The following HECW2 variants were observed in gnomAD, a reference collection of about 807,000 sequenced individuals.
The protein encoded by HECW2 is HECT, C2 and WW domain containing E3 ubiquitin protein ligase 2.
In HECW2, 61 loss-of-function variants were observed where a neutral mutation model predicts 175.2. That is an observed-to-expected ratio of 0.35 (90% CI 0.28 to 0.43). The LOEUF is 0.43. HECW2 is among the 20% of genes least tolerant of loss of function. HECW2 has a pLI of 1.00. For missense variants in HECW2, 1,524 were observed against 2,000.5 expected (o/e 0.76, Z 4.54); for synonymous variants, 671 against 731.0 (o/e 0.92, Z 1.32).
chr2:196,296,700 G>A (rs13432135), intron 13 of HECW2, among the ~76,000 whole-genome samples: 31,861 of 152,120 alleles, frequency 0.21, 3,607 homozygotes, highest in Middle Eastern at 0.28. Context: ...GTGGAAGGAA[G>A]AGATTCACCA....
chr2:196,331,127 T>G (rs1692342777), intron 4 of HECW2: 1 of 984,946 alleles, frequency 1.0e-6, no homozygotes, highest in East Asian at 1.1e-4. Flanking sequence ...GTGTGCCACT[T>G]AACTGCATCC....
At chr2:196,354,246 C>A (rs937407463) in intron 2 of HECW2, among the ~76,000 whole-genome samples, 1 of 152,238 alleles carries the variant, frequency 6.6e-6, no homozygotes, top group South Asian at 2.1e-4. Context: ...TGTAACACCC[C>A]TTCTGAGGCT....
At chr2:196,343,634 A>G (rs781069971) in intron 3 of HECW2, 23 bp downstream of exon 3, 1 of 1,414,624 alleles carries the variant, frequency 7.1e-7, no homozygotes, top group Admixed American at 1.7e-5. Context: ...TAATAAGTTT[A>G]TATTTCACAC....
chr2:196,415,260 C>T (rs546809224), intron 2 of HECW2, among the ~76,000 whole-genome samples: 2 of 152,228 alleles, frequency 1.3e-5, no homozygotes, highest in African/African-American at 4.8e-5. Context: ...ACTGGATGTG[C>T]ATGTTAAAAG....
At chr2:196,305,955 T>C (rs1262701946) in intron 13 of HECW2, among the ~76,000 whole-genome samples, 1 of 152,162 alleles carries the variant, frequency 6.6e-6, no homozygotes, top group African/African-American at 2.4e-5. Context: ...CGTGGAATAA[T>C]CCTTTAAATC....
chr2:196,322,239 C>T (rs1691972722), intron 7 of HECW2, among the ~76,000 whole-genome samples: 1 of 152,132 alleles, frequency 6.6e-6, no homozygotes, highest in Admixed American at 6.5e-5. Flanking sequence ...AGATTTGACA[C>T]TGAAATATTA....
Position 196,379,194 on chromosome 2 carries a change from T to C in HECW2, c.293-35430A>G, listed in dbSNP as rs1241432294. On this transcript the variant is annotated intron_variant, in intron 2 of 28. Coordinates refer to ENST00000644978, the MANE Select transcript of HECW2 (RefSeq NM_001348768.2). ...GATAGTGAAAAGAGTCAGATAAAAC[T>C]AATGCACTCTAAATAAGTCTATTTT... is the stretch of plus-strand genomic sequence containing the variant. Among the ~76,000 whole-genome samples the C allele has an allele frequency of 2.0e-5, 3 of 152,038 alleles. No homozygotes were observed. The East Asian group carries it at 5.8e-4, about 29-fold the overall frequency.
chr2:196,337,532 A>G (rs1003599349), intron 3 of HECW2, among the ~76,000 whole-genome samples: 34 of 149,160 alleles, frequency 2.3e-4, no homozygotes, highest in African/African-American at 8.2e-4. Context: ...GGCAGGCAAC[A>G]TCTCCCCCTG....
At chr2:196,299,992 C>G (rs1349743991) in intron 13 of HECW2, among the ~76,000 whole-genome samples, 1 of 152,094 alleles carries the variant, frequency 6.6e-6, no homozygotes, top group Non-Finnish European at 1.5e-5. Context: ...CCAGTCTCTA[C>G]TTGAAACAAT....
rs1054440567 is a variant in HECW2 at position 196,543,444 on chromosome 2, A to C, written c.-36+50064T>G. Among the ~76,000 whole-genome samples the C allele has an allele frequency of 1.4e-4, 21 of 152,138 alleles. 1 individual carries two copies. The highest frequency in any genetic ancestry group is 1.1e-3 in the Admixed American group (17 of 15,268). On this transcript the variant is annotated intron_variant, in intron 1 of 28. Transcript: ENST00000644978. ...TAAATGTGCATATAATTATATAATCAATATAAAATGCCATACACAAATGTT... is the reference window on the plus strand; with the variant it reads ...TAAATGTGCATATAATTATATAATCCATATAAAATGCCATACACAAATGTT...
intron 1 of HECW2, among the ~76,000 whole-genome samples, chr2:196,452,759 A>G (rs888518435): frequency 2.0e-5 from 3 of 151,568 alleles, no homozygotes; most frequent in East Asian, 1.9e-4. Flanking sequence ...GGATTTTTCT[A>G]TGCATGATCA....
At chr2:196,280,572 A>T (rs1339051447) in intron 14 of HECW2, among the ~76,000 whole-genome samples, 1 of 152,220 alleles carries the variant, frequency 6.6e-6, no homozygotes, top group Non-Finnish European at 1.5e-5. Context: ...GGTACAAAAA[A>T]ATAAAGGTTT....
chr2:196,242,746 G>A (rs1051592184), intron 19 of HECW2: 1 of 140,950 alleles, frequency 7.1e-6, no homozygotes, highest in African/African-American at 2.7e-5. Context: ...AGGCTGGAGT[G>A]CAGTGGTGCA....
intron 5 of HECW2, among the ~76,000 whole-genome samples, chr2:196,328,939 A>G (rs1692255511): frequency 6.6e-6 from 1 of 152,170 alleles, no homozygotes; most frequent in African/African-American, 2.4e-5. Context: ...GAAAATTTTC[A>G]GTTTATATAA....
chr2:196,492,442 T>G (rs1687234249), intron 1 of HECW2, among the ~76,000 whole-genome samples: 1 of 152,104 alleles, frequency 6.6e-6, no homozygotes, highest in Non-Finnish European at 1.5e-5. Flanking sequence ...TGCCCAAACC[T>G]GCAACAACTT....
chr2:196,283,231 C>A (rs1439058524), intron 14 of HECW2, among the ~76,000 whole-genome samples: 2 of 131,816 alleles, frequency 1.5e-5, no homozygotes, highest in Non-Finnish European at 3.2e-5. Context: ...CACTGCACTC[C>A]AGCCTGGGTG....
chr2:196,238,774 A>T (rs1688346616), intron 21 of HECW2: 1 of 152,240 alleles, frequency 6.6e-6, no homozygotes, highest in Admixed American at 6.5e-5. Flanking sequence ...ATGTAATCAA[A>T]TACAGAGGCA....
chr2:196,388,576 G>A (rs536717755), intron 2 of HECW2, among the ~76,000 whole-genome samples: 8 of 152,178 alleles, frequency 5.3e-5, no homozygotes, highest in Non-Finnish European at 1.0e-4. Context: ...AGTAGGGCCC[G>A]AATTCAATCC....
chr2:196,230,927 C>T (rs1219753284), intron 21 of HECW2, among the ~76,000 whole-genome samples: 1 of 151,852 alleles, frequency 6.6e-6, no homozygotes, highest in Non-Finnish European at 1.5e-5. Flanking sequence ...CATGGTGAAA[C>T]CCCGTCTCTA....
Sources: gnomAD v4.1 joint callset for allele counts (sites outside exome capture counted in the v4.1 genomes callset) on GRCh38, gnomAD v4.1.1 for gene constraint, MANE v1.5 for transcripts, NCBI Gene and HGNC (gene_info 2026-07-23, HGNC 2026-07-21) for gene names.